The following PGPEP1L variants were observed in gnomAD, a reference collection of about 807,000 sequenced individuals.
PGPEP1L encodes the protein pyroglutamyl-peptidase 1-like protein.
In PGPEP1L, 7 loss-of-function variants were observed where a neutral mutation model predicts 6.0. The ratio of observed to expected loss-of-function variants is 1.17; its 90% CI spans 0.66 to 2.19. The LOEUF is 2.19. Ranked by LOEUF, PGPEP1L falls within the 30% of genes most tolerant of loss-of-function variation. The probability of loss-of-function intolerance (pLI) is 0.00; values close to 1 mark genes in which losing one functional copy is unlikely to be tolerated. For synonymous variants in PGPEP1L, 103 were observed against 83.9 expected (o/e 1.23, Z -1.24); for missense variants, 209 against 192.5 (o/e 1.09, Z -0.51).
chr15:98,997,467 G>A (rs182611429), intron 2 of PGPEP1L, among the ~76,000 whole-genome samples: 320 of 152,312 alleles, frequency 2.1e-3, no homozygotes, highest in African/African-American at 7.3e-3. Context: ...GCAGTTGGCG[G>A]TGTGTCACCT....
intron 2 of PGPEP1L, among the ~76,000 whole-genome samples, chr15:98,984,767 G>A (rs2017722387): frequency 6.6e-6 from 1 of 152,138 alleles, no homozygotes; most frequent in Admixed American, 6.5e-5. Context: ...AGAGACAGTG[G>A]TCCTGCAGAT....
At chr15:98,969,912 T>C (rs1441357799) in intron 3 of PGPEP1L, among the ~76,000 whole-genome samples, 1 of 152,210 alleles carries the variant, frequency 6.6e-6, no homozygotes, top group Non-Finnish European at 1.5e-5. Flanking sequence ...AAATTATTCT[T>C]ACAGGGTAAT....
Position 98,997,086 on chromosome 15 carries a change from G to A in PGPEP1L, c.-142+8343C>T, listed in dbSNP as rs140969950. The stretch of plus-strand genomic sequence containing the variant: ...ATTCTCATGACTGTAAAAAGAAATA[G>A]AAGGGTTCAGGATCATCGAGGATTT... On this transcript the variant is annotated intron_variant, in intron 2 of 4. Coordinates refer to ENST00000535714, the MANE Select transcript of PGPEP1L (RefSeq NM_001167902.2). 5.1e-3 allele frequency among the ~76,000 whole-genome samples: 782 copies of A among 152,272 alleles called. 21 individuals are homozygous for A. The highest frequency in any genetic ancestry group is 0.035 in the Admixed American group (529 of 15,288).
intron 1 of PGPEP1L, among the ~76,000 whole-genome samples, chr15:99,006,433 G>C (rs1555473640): frequency 6.6e-6 from 1 of 152,248 alleles, no homozygotes; most frequent in Non-Finnish European, 1.5e-5. Context: ...TCTTTTTAAT[G>C]TGTCAGAATA....
At chr15:98,999,721 TCA>T (rs1187087228) in intron 2 of PGPEP1L, among the ~76,000 whole-genome samples, 5 of 152,254 alleles carry the variant, frequency 3.3e-5, no homozygotes, top group Non-Finnish European at 7.3e-5. Flanking sequence ...TTCACCCATC[TCA>T]CAGAATACAC....
intron 1 of PGPEP1L, among the ~76,000 whole-genome samples, chr15:99,005,966 G>A (rs1331557692): frequency 1.3e-5 from 2 of 152,088 alleles, no homozygotes; most frequent in East Asian, 3.8e-4. Context: ...GCCCCTCATT[G>A]TGTTTGGCCA....
chr15:98,998,776 G>C (rs1479733681), intron 2 of PGPEP1L, among the ~76,000 whole-genome samples: 1 of 152,142 alleles, frequency 6.6e-6, no homozygotes, highest in Non-Finnish European at 1.5e-5. Flanking sequence ...TCAGGAGTTC[G>C]AGACCAGCCT....
chr15:99,005,414 A>G lies in PGPEP1L; in HGVS notation c.-142+15T>C, dbSNP rs1211669551. ...GCAGCAACAAATAGGAGAGAAAAAA[A>G]TTATGTAGTCTTACCAGTCACCACC... is the stretch of plus-strand genomic sequence containing the variant. On this transcript the variant is annotated intron_variant, in intron 2 of 4. Coordinates refer to ENST00000535714, the MANE Select transcript of PGPEP1L (RefSeq NM_001167902.2). 3 of 152,568 alleles carry G rather than the reference A, an allele frequency of 2.0e-5. No homozygotes were observed. The highest frequency in any genetic ancestry group is 7.2e-5 in the African/African-American group (3 of 41,470). 9.5% of individuals were successfully genotyped at this position (152,568 alleles called of 1,614,324 possible). A position where few individuals can be genotyped will look rare whatever the true frequency, so the allele number is the denominator to read the frequency against.
intron 2 of PGPEP1L, among the ~76,000 whole-genome samples, chr15:99,004,264 G>T (rs567052276): frequency 3.5e-4 from 53 of 152,072 alleles, no homozygotes; most frequent in South Asian, 1.2e-3. Context: ...AAATAAATTG[G>T]GGGGTGTGGT....
At chr15:98,992,113 G>C (rs148109462) in intron 2 of PGPEP1L, among the ~76,000 whole-genome samples, 1 of 152,292 alleles carries the variant, frequency 6.6e-6, no homozygotes, top group East Asian at 1.9e-4. Flanking sequence ...AGTCAGGCAA[G>C]ACAAAGAAAT....
At position 98,972,691 on chromosome 15, in the gene PGPEP1L, AC is replaced by A. The variant is rs946222322; in HGVS notation, c.-141-1534del. 2.0e-5 allele frequency among the ~76,000 whole-genome samples: 3 copies of A among 151,518 alleles called. 1 individual carries two copies. The highest frequency in any genetic ancestry group is 7.3e-5 in the African/African-American group (3 of 41,316). On this transcript the variant is annotated intron_variant, in intron 2 of 4. Coordinates refer to ENST00000535714, the MANE Select transcript of PGPEP1L (RefSeq NM_001167902.2). ...AGACCATCCTGGCTAACACAGTGAA[AC>A]CCCCCCATCTCTACTAAAAATACAA...
chr15:98,999,661 G>A (rs1699080112), intron 2 of PGPEP1L, among the ~76,000 whole-genome samples: 1 of 152,130 alleles, frequency 6.6e-6, no homozygotes, highest in Admixed American at 6.5e-5. Flanking sequence ...GACCAAAGCT[G>A]GAAACTACCC....
chr15:98,978,249 T>C (rs1029187648), intron 2 of PGPEP1L, among the ~76,000 whole-genome samples: 1 of 152,188 alleles, frequency 6.6e-6, no homozygotes, highest in Non-Finnish European at 1.5e-5. Flanking sequence ...GTGTGAGCAC[T>C]AGGGCCCAGA....
chr15:98,983,759 A>G (rs1172814599), intron 2 of PGPEP1L, among the ~76,000 whole-genome samples: 1 of 152,142 alleles, frequency 6.6e-6, no homozygotes, highest in Non-Finnish European at 1.5e-5. Context: ...CTTTTCTGGG[A>G]GTTTGTAGGA....
intron 3 of PGPEP1L, among the ~76,000 whole-genome samples, chr15:98,970,555 G>A (rs884636): frequency 6.7e-6 from 1 of 149,646 alleles, no homozygotes; most frequent in Non-Finnish European, 1.5e-5. Flanking sequence ...GGTTTTTTTT[G>A]GGGGGGTGGG....
chr15:99,001,258 G>A (rs1218390571), intron 2 of PGPEP1L: 5 of 312,790 alleles, frequency 1.6e-5, no homozygotes, highest in South Asian at 2.5e-5. Flanking sequence ...ACACTACCAC[G>A]TGGCTCAACC....
At chr15:98,972,691 A>AC (rs946222322) in intron 2 of PGPEP1L, among the ~76,000 whole-genome samples, 17 of 151,514 alleles carry the variant, frequency 1.1e-4, no homozygotes, top group South Asian at 2.1e-4. Flanking sequence ...ACACAGTGAA[A>AC]CCCCCCCATC....
At chr15:99,003,167 GAAA>G (rs553942696) in intron 2 of PGPEP1L, among the ~76,000 whole-genome samples, 1 of 106,524 alleles carries the variant, frequency 9.4e-6, no homozygotes, top group Non-Finnish European at 2.1e-5. Context: ...GAAACAGCCA[GAAA>G]AAAAAAAGGG....
At chr15:98,987,165 CAAAAAAAAAAAAAA>C (rs57923635) in intron 2 of PGPEP1L, among the ~76,000 whole-genome samples, 807 of 33,418 alleles carry the variant, frequency 0.024, 20 homozygotes, top group African/African-American at 0.086. Context: ...GACTCCATCT[CAAAAAAAAAAAAAA>C]AAAAAAAAAA....
Sources: gnomAD v4.1 joint callset for allele counts (sites outside exome capture counted in the v4.1 genomes callset) on GRCh38, gnomAD v4.1.1 for gene constraint, MANE v1.5 for transcripts, NCBI Gene and HGNC (gene_info 2026-07-23, HGNC 2026-07-21) for gene names.